The following LAMA3 variants were observed in gnomAD, a reference collection of about 807,000 sequenced individuals.
LAMA3 encodes laminin subunit alpha-3.
Under a neutral mutation model 402.0 loss-of-function variants are expected in LAMA3, and 281 were observed. The ratio of observed to expected loss-of-function variants is 0.70; its 90% CI spans 0.63 to 0.77. The LOEUF (loss-of-function observed/expected upper bound fraction) is 0.77. LAMA3 is among the 30% of genes least tolerant of loss of function. The pLI, the probability that LAMA3 is intolerant of heterozygous loss-of-function variation, is 0.00. For synonymous variants in LAMA3, 1,431 were observed against 1,558.4 expected, an observed-to-expected ratio of 0.92 and a Z score of 1.93; for missense variants, 3,840 against 4,215.5, an observed-to-expected ratio of 0.91 and a Z score of 2.47.
In LAMA3 at chr18:23,928,754, C is replaced by T; in HGVS notation, c.8425C>T (p.His2809Tyr). 8 of 1,613,872 alleles carry T rather than the reference C, an allele frequency of 5.0e-6. No individual in the cohort carries two copies. The highest frequency in any genetic ancestry group is 6.8e-6 in the Non-Finnish European group (8 of 1,179,750). ...TFQPSGILLD[H>Y]QTWTRNLQVT... The stretch of plus-strand genomic sequence containing the variant: ...TCAACCCAGTGGCATATTATTAGAT[C>T]ATCAGACATGGGTATGCAGTAGTGC... Residue 2809 changes from histidine to tyrosine, a missense_variant, in exon 64 of 75, where the codon CAT (histidine) becomes TAT (tyrosine). Around this residue, in one of 3 missense-constraint regions of LAMA3, gnomAD observed 840 missense variants for 981.9 expected, o/e 0.86. Coordinates refer to ENST00000313654, the MANE Select transcript of LAMA3 (RefSeq NM_198129.4).
At chr18:23,751,411 T>C (rs2061750736) in intron 5 of LAMA3, among the ~76,000 whole-genome samples, 1 of 152,212 alleles carries the variant, frequency 6.6e-6, no homozygotes, top group Non-Finnish European at 1.5e-5. Context: ...AAGCTTTGTT[T>C]CTTGCTCCTA....
chr18:23,704,450 C>T (rs770278858), intron 1 of LAMA3, among the ~76,000 whole-genome samples: 8 of 152,224 alleles, frequency 5.3e-5, no homozygotes, highest in Non-Finnish European at 1.0e-4. Context: ...TGAAGCACTT[C>T]ACCTCTCTGA....
chr18:23,916,895 CA>C (rs1332344481), intron 60 of LAMA3, among the ~76,000 whole-genome samples, 200 bp downstream of exon 60: 1 of 148,066 alleles, frequency 6.8e-6, no homozygotes, highest in Admixed American at 6.8e-5. Context: ...TTTTTAGTTT[CA>C]GGGGTGCAGG....
chr18:23,784,667 A>G (rs1380112356), intron 12 of LAMA3, among the ~76,000 whole-genome samples: 2 of 152,010 alleles, frequency 1.3e-5, no homozygotes, highest in Non-Finnish European at 2.9e-5. Flanking sequence ...CATCCCGGCA[A>G]GGGTCGCTGA....
intron 55 of LAMA3, among the ~76,000 whole-genome samples, 159 bp from the exon 56 acceptor site, chr18:23,912,552 A>G (rs1427729076): frequency 2.6e-5 from 4 of 152,116 alleles, no homozygotes; most frequent in African/African-American, 9.7e-5. Flanking sequence ...GGTCTTGGAG[A>G]TTATGATCCA....
At chr18:23,756,060 A>T (rs1310381571) in intron 6 of LAMA3, among the ~76,000 whole-genome samples, 1 of 152,084 alleles carries the variant, frequency 6.6e-6, no homozygotes, top group African/African-American at 2.4e-5. Context: ...TAGTCTAGCT[A>T]ATGTCAAATG....
intron 47 of LAMA3, among the ~76,000 whole-genome samples, chr18:23,899,948 G>C (rs2081010351): frequency 6.6e-6 from 1 of 152,070 alleles, no homozygotes; most frequent in Admixed American, 6.6e-5. Flanking sequence ...TTGGAGATGG[G>C]ACCCCAGTCT....
At chr18:23,699,239 C>T (rs1035263938) in intron 1 of LAMA3, among the ~76,000 whole-genome samples, 1 of 152,202 alleles carries the variant, frequency 6.6e-6, no homozygotes, top group African/African-American at 2.4e-5. Context: ...GTTGTTGTTA[C>T]ACGTTTTGAA....
intron 2 of LAMA3, among the ~76,000 whole-genome samples, chr18:23,714,948 T>A (rs181456350): frequency 4.8e-4 from 73 of 152,340 alleles, no homozygotes; most frequent in African/African-American, 1.6e-3. Flanking sequence ...CTGGCTTCTT[T>A]AACTTGGCAT....
chr18:23,941,045 C>T (rs1053357252), intron 68 of LAMA3, among the ~76,000 whole-genome samples: 2 of 151,582 alleles, frequency 1.3e-5, no homozygotes, highest in Admixed American at 1.3e-4. Context: ...ACACTATTCT[C>T]CTGCCTCAGC....
chr18:23,951,688 C>T lies in LAMA3; in HGVS notation c.9647C>T (p.Thr3216Met), dbSNP rs539486931. ...LCVYLEAGKVTASMDSGAGGT... is the reference protein window; with the variant it reads ...LCVYLEAGKVMASMDSGAGGT... ...GAAAATGCATGTGTGTTCCAGGTCA[C>T]GGCCTCTATGGACAGTGGGGCAGGT... The change falls in exon 73 of 75, where the codon ACG becomes ATG. Residue 3216 changes from threonine (T) to methionine (M), a missense_variant. By Grantham distance (81) the Thr-to-Met change is moderately conservative (BLOSUM62 -1). Coordinates refer to ENST00000313654, the MANE Select transcript of LAMA3 (RefSeq NM_198129.4). 3.6e-5 allele frequency: 58 copies of T among 1,613,252 alleles called. No individual in the cohort carries two copies. The highest frequency in any genetic ancestry group is 5.3e-5 in the African/African-American group (4 of 74,900).
chr18:23,859,890 T>C (rs2064173586), intron 34 of LAMA3, among the ~76,000 whole-genome samples: 1 of 152,192 alleles, frequency 6.6e-6, no homozygotes, highest in Non-Finnish European at 1.5e-5. Flanking sequence ...TACCTTGGTC[T>C]TCCTGGCTAC....
At chr18:23,719,825 T>C (rs1410835748) in intron 2 of LAMA3, among the ~76,000 whole-genome samples, 1 of 152,172 alleles carries the variant, frequency 6.6e-6, no homozygotes, top group Non-Finnish European at 1.5e-5. Flanking sequence ...AACTTGGCTC[T>C]ACAGATGGTT....
chr18:23,951,827 C>G, intron 73 of LAMA3, 50 bp downstream of exon 73: 1 of 1,417,714 alleles, frequency 7.1e-7, no homozygotes, highest in Non-Finnish European at 9.9e-7. Context: ...GGCCCCCTTT[C>G]CATTTTGACT....
intron 27 of LAMA3, among the ~76,000 whole-genome samples, chr18:23,841,506 TC>T (rs955219336): frequency 4.6e-5 from 7 of 152,110 alleles, no homozygotes; most frequent in Admixed American, 2.0e-4. Context: ...TGATGAGAAC[TC>T]CCCACTCATG....
chr18:23,851,834 C>G (rs997499512), intron 32 of LAMA3, among the ~76,000 whole-genome samples: 1 of 152,196 alleles, frequency 6.6e-6, no homozygotes, highest in Middle Eastern at 3.2e-3. Flanking sequence ...GAGCTCCTGT[C>G]TCCTCACATG....
intron 48 of LAMA3, among the ~76,000 whole-genome samples, chr18:23,902,734 C>T (rs1338781800): frequency 2.0e-5 from 3 of 152,160 alleles, no homozygotes; most frequent in Non-Finnish European, 4.4e-5. Context: ...TGATAATATA[C>T]CCATCTCATT....
Position 23,939,344 on chromosome 18 carries a change from G to A in LAMA3, c.8984G>A (p.Ser2995Asn). 6.2e-7 allele frequency: 1 copy of A among 1,614,180 alleles called. No individual in the cohort carries two copies. Among genetic ancestry groups the A allele is most frequent in the Non-Finnish European group, 8.5e-7 (1 of 1,180,020 alleles). Residue 2995 changes from serine to asparagine, a missense_variant, in exon 68 of 75, where the codon AGC (serine) becomes AAC (asparagine). Ser to Asn is a conservative substitution (Grantham distance 46). This residue lies in a region of LAMA3 where 840 missense variants were observed against 981.9 expected (regional missense o/e 0.86). Transcript: ENST00000313654. ...GALQFGDIPT[S>N]HLLFKLPQEL... Reference sequence around the variant, plus strand: ...CTCCAGTTTGGGGACATTCCCACCAGCCACTTGCTATTCAAGCTTCCTCAG... The same window carrying A: ...CTCCAGTTTGGGGACATTCCCACCAACCACTTGCTATTCAAGCTTCCTCAG...
At chr18:23,716,715 A>G (rs2061107047) in intron 2 of LAMA3, among the ~76,000 whole-genome samples, 1 of 152,212 alleles carries the variant, frequency 6.6e-6, no homozygotes, top group Admixed American at 6.5e-5. Flanking sequence ...GCATATGCAT[A>G]AGGCCTGTGT....
Sources: gnomAD v4.1 joint callset for allele counts (sites outside exome capture counted in the v4.1 genomes callset) on GRCh38, gnomAD v4.1.1 for gene constraint, gnomAD v4.1.1 regional missense constraint, MANE v1.5 for transcripts, NCBI Gene and HGNC (gene_info 2026-07-23, HGNC 2026-07-21) for gene names.